SDK2: variants seen among roughly 807,000 people sequenced by gnomAD.
SDK2 encodes the protein protein sidekick-2.
A neutral mutation model predicts 253.9 loss-of-function variants in SDK2; 105 were observed. The observed-to-expected ratio is 0.41, with a 90% CI of 0.35 to 0.49. SDK2 has a LOEUF of 0.49. Among genes scored for constraint, SDK2 ranks in the 20% least tolerant of loss-of-function variants. The pLI, the probability that SDK2 is intolerant of heterozygous loss-of-function variation, is 0.06. For missense variants in SDK2, 2,608 were observed against 3,003.0 expected (o/e 0.87, Z 3.07); for synonymous variants, 1,249 against 1,234.9 (o/e 1.01, Z -0.24).
chr17:73,428,247 G>T (rs1320174114), intron 12 of SDK2, among the ~76,000 whole-genome samples: 1 of 152,080 alleles, frequency 6.6e-6, no homozygotes, highest in African/African-American at 2.4e-5. Context: ...TGTATTTTTA[G>T]TAGAGACGGG....
chr17:73,445,026 C>A (rs1042540550), intron 5 of SDK2, among the ~76,000 whole-genome samples: 17 of 152,208 alleles, frequency 1.1e-4, no homozygotes, highest in African/African-American at 4.1e-4. Context: ...TATTAGAACA[C>A]TTTTAAGCAT....
intron 1 of SDK2, among the ~76,000 whole-genome samples, chr17:73,605,771 G>A (rs1350897656): frequency 1.3e-5 from 2 of 152,178 alleles, no homozygotes; most frequent in Non-Finnish European, 2.9e-5. Context: ...GAGATCGGAT[G>A]CACGTATACA....
In SDK2 at chr17:73,644,294, G is replaced by C. The variant is rs1384929426; in HGVS notation, c.-206C>G. 2.6e-5 allele frequency among the ~76,000 whole-genome samples: 4 copies of C among 152,214 alleles called. No homozygotes were observed. The highest frequency in any genetic ancestry group is 7.2e-5 in the African/African-American group (3 of 41,460). ...CTTCTGTACTAGTCCGAGCCCGGCAGCGCGCCCGGAAGGCGAGGGGCGAGC... is the reference window on the plus strand; with the variant it reads ...CTTCTGTACTAGTCCGAGCCCGGCACCGCGCCCGGAAGGCGAGGGGCGAGC... On this transcript the variant is annotated 5_prime_UTR_variant, in exon 1 of 45. Coordinates refer to ENST00000392650, the MANE Select transcript of SDK2 (RefSeq NM_001144952.2). This position sits in a 1 kb window ranked among gnomAD's most constrained non-coding sequence, Gnocchi z 6.3.
At chr17:73,626,295 G>C (rs1244828568) in intron 1 of SDK2, among the ~76,000 whole-genome samples, 1 of 152,198 alleles carries the variant, frequency 6.6e-6, no homozygotes, top group East Asian at 1.9e-4. Flanking sequence ...CCGGGGCTCG[G>C]GAGGGGGAGG....
chr17:73,428,486 C>T (rs2063301638), intron 12 of SDK2, among the ~76,000 whole-genome samples: 2 of 152,166 alleles, frequency 1.3e-5, no homozygotes, highest in South Asian at 4.1e-4. Flanking sequence ...AGCGGCACCA[C>T]TTTAGTCTGG....
At chr17:73,430,663 G>T in intron 11 of SDK2, 50 bp from the exon 12 acceptor site, 1 of 1,278,456 alleles carries the variant, frequency 7.8e-7, no homozygotes, top group Non-Finnish European at 1.1e-6. Flanking sequence ...TGGGGGCTGT[G>T]TGGCTGGACT....
intron 1 of SDK2, among the ~76,000 whole-genome samples, chr17:73,563,070 A>C (rs1442601681): frequency 2.6e-5 from 4 of 152,118 alleles, no homozygotes; most frequent in Admixed American, 6.5e-5. Flanking sequence ...CTGCCGCCCC[A>C]CCCTGGTCCT....
chr17:73,428,014 A>G (rs1483979061), intron 12 of SDK2, among the ~76,000 whole-genome samples: 3 of 152,228 alleles, frequency 2.0e-5, no homozygotes, highest in Non-Finnish European at 4.4e-5. Flanking sequence ...TAAGAAAACA[A>G]TCTGATTAAA....
At chr17:73,552,108 G>T (rs1333669031) in intron 1 of SDK2, among the ~76,000 whole-genome samples, 1 of 152,110 alleles carries the variant, frequency 6.6e-6, no homozygotes, top group African/African-American at 2.4e-5. Flanking sequence ...CCTGTCTGGG[G>T]CCCAGCTCTA....
chr17:73,501,043 T>C (rs760792144), intron 2 of SDK2, among the ~76,000 whole-genome samples: 2 of 152,178 alleles, frequency 1.3e-5, no homozygotes, highest in African/African-American at 2.4e-5. Flanking sequence ...GGGAGATGGC[T>C]CCTGGAGAAG....
Position 73,481,568 on chromosome 17 carries a change from A to G in SDK2, c.225-9350T>C, listed in dbSNP as rs974049935. 1.2e-4 allele frequency among the ~76,000 whole-genome samples: 19 copies of G among 152,266 alleles called. No homozygotes were observed. Among genetic ancestry groups the G allele is most frequent in the South Asian group, 2.1e-4 (1 of 4,826 alleles). On this transcript the variant is annotated intron_variant, in intron 2 of 44. Coordinates refer to ENST00000392650, the MANE Select transcript of SDK2 (RefSeq NM_001144952.2). The surrounding 1 kb of genome is among the most constrained non-coding windows in gnomAD (Gnocchi z 4.5). ...AGAGAGAGACAGAAAGACAGGAGAC[A>G]GAGTGGTGAAAGCCCTCTCCCCTCG...
At position 73,541,462 on chromosome 17, in the gene SDK2, A is replaced by G. The variant is rs1260702439; in HGVS notation, c.65-33865T>C. Among the ~76,000 whole-genome samples, 1 of 151,610 alleles carries G rather than the reference A, an allele frequency of 6.6e-6. No homozygotes were observed. The highest frequency in any genetic ancestry group is 1.9e-4 in the East Asian group (1 of 5,158). The stretch of plus-strand genomic sequence containing the variant: ...GTGCTCCATCCCATCCCCTCTCAAC[A>G]TCCTCACCTCTATCTTAGCAGGGCA... On this transcript the variant is annotated intron_variant, in intron 1 of 44. Coordinates refer to ENST00000392650, the MANE Select transcript of SDK2 (RefSeq NM_001144952.2). This position sits in a 1 kb window ranked among gnomAD's most constrained non-coding sequence, Gnocchi z 4.3.
At position 73,337,009 on chromosome 17, in the gene SDK2, G is replaced by A. The variant is rs2062384648; in HGVS notation, c.*1578C>T. 6.6e-6 allele frequency: 1 copy of A among 152,372 alleles called. No individual in the cohort carries two copies. Among genetic ancestry groups the A allele is most frequent in the Non-Finnish European group, 1.5e-5 (1 of 68,166 alleles). The allele number at this position is 152,372 out of a possible 1,614,324, so 9.4% of individuals were successfully genotyped here. A position where few individuals can be genotyped will look rare whatever the true frequency, so the allele number is the denominator to read the frequency against. On this transcript the variant is annotated 3_prime_UTR_variant, in exon 45 of 45. Transcript: ENST00000392650. ...GACGGGAAGATCCTGGCCACTGGAT[G>A]TGGCTTTTTGCAGAACACTCCTTGG...
chr17:73,631,627 C>T (rs1367419710), intron 1 of SDK2, among the ~76,000 whole-genome samples: 1 of 152,190 alleles, frequency 6.6e-6, no homozygotes, highest in Non-Finnish European at 1.5e-5. Flanking sequence ...GACCAGAAAC[C>T]CTGGTGGGGG....
At position 73,395,541 on chromosome 17, in the gene SDK2, C is replaced by A. The variant is rs1599521396; in HGVS notation, c.3355-149G>T. 2 of 632,668 alleles carry A rather than the reference C, an allele frequency of 3.2e-6. No homozygotes were observed. The highest frequency in any genetic ancestry group is 5.6e-6 in the Non-Finnish European group (2 of 358,812). 39.2% of individuals were successfully genotyped at this position (632,668 alleles called of 1,614,324 possible). A position where few individuals can be genotyped will look rare whatever the true frequency, so the allele number is the denominator to read the frequency against. Reference sequence around the variant, plus strand: ...CAGTGTCCACATGAGGCTCTCTCACCCGAGTGTGGCTTAGGTTGTGTGACT... The same window carrying A: ...CAGTGTCCACATGAGGCTCTCTCACACGAGTGTGGCTTAGGTTGTGTGACT... On this transcript the variant is annotated intron_variant, in intron 24 of 44. Transcript: ENST00000392650. This position sits in a 1 kb window ranked among gnomAD's most constrained non-coding sequence, Gnocchi z 4.3.
chr17:73,556,670 C>A (rs987474964), intron 1 of SDK2, among the ~76,000 whole-genome samples: 2 of 152,228 alleles, frequency 1.3e-5, no homozygotes, highest in Non-Finnish European at 2.9e-5. Flanking sequence ...CTTTGGGAAC[C>A]TGTTTCCGGT....
At position 73,455,811 on chromosome 17, in the gene SDK2, G is replaced by T. The variant is rs959851339; in HGVS notation, c.479+95C>A. On this transcript the variant is annotated intron_variant, in intron 4 of 44. Coordinates refer to ENST00000392650, the MANE Select transcript of SDK2 (RefSeq NM_001144952.2). This position sits in a 1 kb window ranked among gnomAD's most constrained non-coding sequence, Gnocchi z 5.0. ...AGCTGAAAGGGGCTTCTGCACAAAG[G>T]CCCTCCTCCACACTCAAGGGAGACT... 8.2e-6 allele frequency: 11 copies of T among 1,346,908 alleles called. No homozygotes were observed. In the African/African-American group the frequency reaches 1.0e-4, roughly 13 times the overall value. The allele number at this position is 1,346,908 out of a possible 1,614,324, so 83.4% of individuals were successfully genotyped here. A position where few individuals can be genotyped will look rare whatever the true frequency, so the allele number is the denominator to read the frequency against.
rs141252111 is a variant in SDK2 at position 73,369,162 on chromosome 17, A to G, written c.4981-569T>C. Reference sequence around the variant, plus strand: ...TCCCGCCATGCCTGGAGGATTTACCATAGCGCTGGCACATCAGCACTTAGT... The same window carrying G: ...TCCCGCCATGCCTGGAGGATTTACCGTAGCGCTGGCACATCAGCACTTAGT... On this transcript the variant is annotated intron_variant, in intron 36 of 44. Transcript: ENST00000392650. The G allele has an allele frequency of 4.8e-3, 2,276 of 471,068 alleles. 51 individuals are homozygous for G. Among genetic ancestry groups the G allele is most frequent in the African/African-American group, 0.042 (2,121 of 50,220 alleles). The allele number at this position is 471,068 out of a possible 1,614,324, so 29.2% of individuals were successfully genotyped here. A position where few individuals can be genotyped will look rare whatever the true frequency, so the allele number is the denominator to read the frequency against.
chr17:73,337,507 G>T lies in SDK2; in HGVS notation c.*1080C>A, dbSNP rs547844561. ...TTCCTTGTAAGTGCATGGGAGATGT[G>T]TGTGTGTGTGTGTGTGTGGTGAGGA... On this transcript the variant is annotated 3_prime_UTR_variant, in exon 45 of 45. Transcript: ENST00000392650. 64 of 151,940 alleles carry T rather than the reference G, an allele frequency of 4.2e-4. No individual in the cohort carries two copies. The highest frequency in any genetic ancestry group is 1.5e-3 in the African/African-American group (62 of 41,306). The allele number at this position is 151,940 out of a possible 1,614,324, so 9.4% of individuals were successfully genotyped here.
Sources: allele counts gnomAD v4.1 joint callset (sites outside exome capture counted in the v4.1 genomes callset), GRCh38; gene constraint gnomAD v4.1.1; non-coding constraint Gnocchi (gnomAD v3.1); transcripts MANE v1.5; gene names NCBI Gene and HGNC (gene_info 2026-07-23, HGNC 2026-07-21).